The following HS6ST3 variants were observed in gnomAD, a reference collection of about 807,000 sequenced individuals.
HS6ST3 encodes heparan sulfate 6-O-sulfotransferase 3, also known as heparan-sulfate 6-O-sulfotransferase 3.
Under a neutral mutation model 36.7 loss-of-function variants are expected in HS6ST3, and 12 were observed. The observed-to-expected ratio is 0.33, with a 90% CI of 0.21 to 0.53. The LOEUF (loss-of-function observed/expected upper bound fraction) is 0.53. Ranked by LOEUF, HS6ST3 falls within the 20% of genes least tolerant of loss-of-function variation. HS6ST3 has a pLI of 0.95. For synonymous variants in HS6ST3, 240 were observed against 257.5 expected (o/e 0.93, Z 0.65); for missense variants, 584 against 640.9 (o/e 0.91, Z 0.96).
At chr13:96,180,745 A>G (rs913060206) in intron 1 of HS6ST3, among the ~76,000 whole-genome samples, 1 of 94,756 alleles carries the variant, frequency 1.1e-5, no homozygotes, top group African/African-American at 4.0e-5. Flanking sequence ...TTTAGAGCAG[A>G]TTAAGAGTCT....
At chr13:96,317,326 T>TGA in intron 1 of HS6ST3, among the ~76,000 whole-genome samples, 1 of 96,952 alleles carries the variant, frequency 1.0e-5, no homozygotes, top group African/African-American at 3.6e-5. Flanking sequence ...TAGTATTCCA[T>TGA]TATATATATA....
chr13:96,360,949 A>C (rs2055235622), intron 1 of HS6ST3, among the ~76,000 whole-genome samples: 1 of 151,702 alleles, frequency 6.6e-6, no homozygotes. Flanking sequence ...CTGTCCCAAA[A>C]AAAAAAAAAA....
At chr13:96,660,742 G>A (rs1202993510) in intron 1 of HS6ST3, among the ~76,000 whole-genome samples, 2 of 152,054 alleles carry the variant, frequency 1.3e-5, no homozygotes, top group East Asian at 1.9e-4. Flanking sequence ...ATATTAAGTG[G>A]CAACTTGATT....
intron 1 of HS6ST3, among the ~76,000 whole-genome samples, chr13:96,222,961 C>A (rs2054463070): frequency 6.6e-6 from 1 of 152,110 alleles, no homozygotes; most frequent in Non-Finnish European, 1.5e-5. Flanking sequence ...AAGTTAGGAG[C>A]TTCTGTGGCA....
chr13:96,799,964 G>GTGTATATATATATATA lies in HS6ST3; in HGVS notation c.708-32478_708-32463dup, dbSNP rs1238523444. ...TGTGTGTATATATATATATATATAT[G>GTGTATATATATATATA]TGTATATATATATATATGTATATAT... On this transcript the variant is annotated intron_variant, in intron 1 of 1. Transcript: ENST00000376705. Among the ~76,000 whole-genome samples the GTGTATATATATATATA allele has an allele frequency of 7.4e-4, 41 of 55,294 alleles. 1 individual carries two copies. Among genetic ancestry groups the GTGTATATATATATATA allele is most frequent in the Non-Finnish European group, 1.0e-3 (32 of 31,628 alleles). 36.3% of individuals were successfully genotyped at this position (55,294 alleles called of 152,430 possible). A position where few individuals can be genotyped will look rare whatever the true frequency, so the allele number is the denominator to read the frequency against.
At chr13:96,761,490 G>C (rs943244607) in intron 1 of HS6ST3, among the ~76,000 whole-genome samples, 2 of 151,196 alleles carry the variant, frequency 1.3e-5, no homozygotes, top group Non-Finnish European at 2.9e-5. Flanking sequence ...AAACATCTAG[G>C]CATCTACCAC....
chr13:96,642,822 T>C (rs2056574934), intron 1 of HS6ST3, among the ~76,000 whole-genome samples: 1 of 152,008 alleles, frequency 6.6e-6, no homozygotes, highest in Non-Finnish European at 1.5e-5. Context: ...TTCTATAACA[T>C]GGTTTTCTTA....
intron 1 of HS6ST3, among the ~76,000 whole-genome samples, chr13:96,211,956 C>T (rs1254704609): frequency 1.3e-5 from 2 of 152,146 alleles, no homozygotes; most frequent in African/African-American, 2.4e-5. Context: ...ATTTTCTTGC[C>T]ATCGTAGAGC....
intron 1 of HS6ST3, among the ~76,000 whole-genome samples, chr13:96,554,004 G>A (rs1002210980): frequency 3.9e-5 from 6 of 152,174 alleles, no homozygotes; most frequent in African/African-American, 1.2e-4. Flanking sequence ...ATGTGTGTGC[G>A]CGTGCATGTG....
At chr13:96,573,308 AT>A (rs1443947298) in intron 1 of HS6ST3, among the ~76,000 whole-genome samples, 1 of 151,812 alleles carries the variant, frequency 6.6e-6, no homozygotes, top group African/African-American at 2.4e-5. Flanking sequence ...TTTAACTTTT[AT>A]TTTAGGTAAA....
chr13:96,709,482 T>A (rs1214660069), intron 1 of HS6ST3, among the ~76,000 whole-genome samples: 9 of 152,216 alleles, frequency 5.9e-5, no homozygotes, highest in Non-Finnish European at 1.3e-4. Flanking sequence ...CTCTTATGTT[T>A]AACCCCTATT....
chr13:96,696,702 G>C (rs1875138356), intron 1 of HS6ST3, among the ~76,000 whole-genome samples: 1 of 152,072 alleles, frequency 6.6e-6, no homozygotes, highest in Non-Finnish European at 1.5e-5. Flanking sequence ...CTTTATACTT[G>C]AGCAAAAACA....
intron 1 of HS6ST3, among the ~76,000 whole-genome samples, chr13:96,697,409 G>A (rs1233980470): frequency 2.0e-5 from 3 of 151,878 alleles, no homozygotes; most frequent in Non-Finnish European, 4.4e-5. Context: ...CAAAAGGAAA[G>A]AGAAAATATA....
chr13:96,617,081 G>C (rs1266004240), intron 1 of HS6ST3, among the ~76,000 whole-genome samples: 1 of 152,162 alleles, frequency 6.6e-6, no homozygotes, highest in Non-Finnish European at 1.5e-5. Flanking sequence ...GACTTTTGTA[G>C]TATGTCATGG....
chr13:96,562,636 C>G (rs2056266399), intron 1 of HS6ST3, among the ~76,000 whole-genome samples: 1 of 151,908 alleles, frequency 6.6e-6, no homozygotes, highest in Admixed American at 6.6e-5. Flanking sequence ...AATCTAGAGC[C>G]AAAGGACTGA....
intron 1 of HS6ST3, among the ~76,000 whole-genome samples, chr13:96,563,247 T>C (rs1008433499): frequency 6.6e-6 from 1 of 152,132 alleles, no homozygotes; most frequent in Admixed American, 6.5e-5. Flanking sequence ...TCAGACCCTA[T>C]TCCTGGTTAA....
Position 96,369,345 on chromosome 13 carries a change from G to C in HS6ST3, c.707+277776G>C, listed in dbSNP as rs764051979. 2.1e-4 allele frequency among the ~76,000 whole-genome samples: 32 copies of C among 152,140 alleles called. No individual in the cohort carries two copies. The Middle Eastern group carries it at 0.01, about 49-fold the overall frequency. ...CAGATACTTGATTATCAAATCAAAGGATCACCCCCTCTTTCCTCAGTTTTC... is the reference window on the plus strand; with the variant it reads ...CAGATACTTGATTATCAAATCAAAGCATCACCCCCTCTTTCCTCAGTTTTC... On this transcript the variant is annotated intron_variant, in intron 1 of 1. Coordinates refer to ENST00000376705, the MANE Select transcript of HS6ST3 (RefSeq NM_153456.4).
chr13:96,733,064 T>C (rs1027329750), intron 1 of HS6ST3, among the ~76,000 whole-genome samples: 2 of 152,206 alleles, frequency 1.3e-5, no homozygotes, highest in African/African-American at 4.8e-5. Flanking sequence ...CTATATAAGA[T>C]GTGTTACCTG....
intron 1 of HS6ST3, among the ~76,000 whole-genome samples, chr13:96,454,864 T>C: frequency 9.6e-6 from 1 of 104,624 alleles, no homozygotes; most frequent in South Asian, 4.9e-4. Flanking sequence ...GGAATGATAT[T>C]ATTGAACTCT....
Sources: allele counts gnomAD v4.1 joint callset (sites outside exome capture counted in the v4.1 genomes callset), GRCh38; gene constraint gnomAD v4.1.1; transcripts MANE v1.5; gene names NCBI Gene and HGNC (gene_info 2026-07-23, HGNC 2026-07-21).